EYA4: variants seen among roughly 807,000 people sequenced by gnomAD.
The protein encoded by EYA4 is EYA transcriptional coactivator and phosphatase 4, also known as protein phosphatase EYA4.
EYA4 carries 31 observed loss-of-function variants against 87.9 expected under a neutral mutation model. That is an observed-to-expected ratio of 0.35 (90% CI 0.27 to 0.48). The LOEUF (loss-of-function observed/expected upper bound fraction) is 0.48, where lower values mean the gene tolerates loss of function less well. Among genes scored for constraint, EYA4 ranks in the 20% least tolerant of loss-of-function variants. EYA4 has a pLI of 0.99. For missense variants in EYA4, 678 were observed against 761.4 expected (o/e 0.89, Z 1.29); for synonymous variants, 263 against 270.6 (o/e 0.97, Z 0.28).
chr6:133,508,378 A>G (rs1419416443), intron 14 of EYA4, among the ~76,000 whole-genome samples: 1 of 152,048 alleles, frequency 6.6e-6, no homozygotes, highest in Non-Finnish European at 1.5e-5. Context: ...AAACACCTTA[A>G]CCTTTCCACA....
At chr6:133,383,831 A>G (rs1488988651) in intron 3 of EYA4, among the ~76,000 whole-genome samples, 1 of 152,192 alleles carries the variant, frequency 6.6e-6, no homozygotes, top group East Asian at 1.9e-4. Context: ...TGGATGAACC[A>G]CTAAATGTTT....
chr6:133,424,384 C>T (rs1790467954), intron 3 of EYA4, among the ~76,000 whole-genome samples: 1 of 152,186 alleles, frequency 6.6e-6, no homozygotes, highest in Non-Finnish European at 1.5e-5. Context: ...GAGGACCCTC[C>T]TCCTTCTGCT....
At chr6:133,450,436 G>A (rs1263591183) in intron 5 of EYA4, among the ~76,000 whole-genome samples, 1 of 152,142 alleles carries the variant, frequency 6.6e-6, no homozygotes, top group Admixed American at 6.5e-5. Flanking sequence ...CAAAACAAAA[G>A]GCAAAAGAAA....
chr6:133,354,773 CA>C (rs1437747773), intron 2 of EYA4, among the ~76,000 whole-genome samples: 1 of 151,980 alleles, frequency 6.6e-6, no homozygotes, highest in Admixed American at 6.6e-5. Flanking sequence ...AAAATTGTGC[CA>C]GGGAAAAAGA....
intron 2 of EYA4, among the ~76,000 whole-genome samples, chr6:133,368,143 G>T (rs1440519020): frequency 6.6e-6 from 1 of 152,178 alleles, no homozygotes; most frequent in Non-Finnish European, 1.5e-5. Flanking sequence ...TGGTGTCCTG[G>T]TGTAAGCTGA....
intron 2 of EYA4, among the ~76,000 whole-genome samples, chr6:133,364,108 T>C (rs557644749): frequency 6.6e-6 from 1 of 152,324 alleles, no homozygotes; most frequent in African/African-American, 2.4e-5. Context: ...CTGTGCTCAG[T>C]GTTCACAATC....
At chr6:133,506,623 A>G (rs929303898) in intron 14 of EYA4, among the ~76,000 whole-genome samples, 2 of 152,218 alleles carry the variant, frequency 1.3e-5, no homozygotes, top group Admixed American at 1.3e-4. Flanking sequence ...TAACATTATC[A>G]TTCCCCGTTT....
At chr6:133,430,658 A>G (rs1583257220) in intron 3 of EYA4, among the ~76,000 whole-genome samples, 2 of 152,214 alleles carry the variant, frequency 1.3e-5, no homozygotes, top group South Asian at 2.1e-4. Context: ...TGCCACAAAA[A>G]AAACTAGTAA....
At chr6:133,514,219 C>CT (rs775634481) in intron 16 of EYA4, among the ~76,000 whole-genome samples, 1 of 152,182 alleles carries the variant, frequency 6.6e-6, no homozygotes, top group Non-Finnish European at 1.5e-5. Flanking sequence ...GGGAGAATCT[C>CT]TGATTTCCTG....
intron 2 of EYA4, among the ~76,000 whole-genome samples, chr6:133,314,721 A>G (rs992650224): frequency 3.3e-5 from 5 of 152,210 alleles, no homozygotes; most frequent in Non-Finnish European, 7.4e-5. Context: ...AAGCGCTAGT[A>G]TTAAAAAAGG....
chr6:133,357,453 G>T (rs1436389461), intron 2 of EYA4, among the ~76,000 whole-genome samples: 1 of 152,106 alleles, frequency 6.6e-6, no homozygotes, highest in Non-Finnish European at 1.5e-5. Flanking sequence ...GTAGAGAGGT[G>T]AATTGTTTTG....
intron 13 of EYA4, among the ~76,000 whole-genome samples, chr6:133,499,959 A>G (rs779993465): frequency 2.6e-5 from 4 of 151,706 alleles, no homozygotes; most frequent in Non-Finnish European, 5.9e-5. Context: ...GTCTCTCATT[A>G]TAATATCTTA....
intron 6 of EYA4, among the ~76,000 whole-genome samples, chr6:133,459,951 C>T (rs1794233406): frequency 6.6e-6 from 1 of 151,834 alleles, no homozygotes; most frequent in South Asian, 2.1e-4. Context: ...ATATTCAGAG[C>T]TTATAGGCAA....
intron 2 of EYA4, among the ~76,000 whole-genome samples, chr6:133,340,784 C>T (rs1361100658): frequency 2.0e-5 from 3 of 152,124 alleles, no homozygotes; most frequent in African/African-American, 7.2e-5. Flanking sequence ...ATATGGAAAG[C>T]CACTGGAGGA....
chr6:133,439,375 A>G (rs1020784153), intron 3 of EYA4: 3 of 152,186 alleles, frequency 2.0e-5, no homozygotes, highest in African/African-American at 7.2e-5. Flanking sequence ...CTTACACACC[A>G]TTTCACTCAT....
At chr6:133,260,481 G>T (rs908313842) in intron 1 of EYA4, among the ~76,000 whole-genome samples, 4 of 152,026 alleles carry the variant, frequency 2.6e-5, no homozygotes, top group African/African-American at 9.7e-5. Flanking sequence ...CAAGTGATCT[G>T]CCTGCCTGAG....
chr6:133,494,346 T>A (rs1797441193), intron 13 of EYA4, among the ~76,000 whole-genome samples: 1 of 152,130 alleles, frequency 6.6e-6, no homozygotes, highest in African/African-American at 2.4e-5. Flanking sequence ...TCTTACTTAT[T>A]TGGAAGCTAA....
intron 2 of EYA4, among the ~76,000 whole-genome samples, chr6:133,327,303 A>C (rs976710481): frequency 6.6e-6 from 1 of 151,764 alleles, no homozygotes; most frequent in Non-Finnish European, 1.5e-5. Flanking sequence ...ACGCCAGTCT[A>C]ATTTTTTGAG....
intron 2 of EYA4, among the ~76,000 whole-genome samples, chr6:133,355,557 A>G (rs544535128): frequency 2.6e-4 from 39 of 152,202 alleles, no homozygotes; most frequent in Non-Finnish European, 4.6e-4. Context: ...AGAGGCCACT[A>G]TCCTTAGAAA....
Sources: gnomAD v4.1 joint callset for allele counts (sites outside exome capture counted in the v4.1 genomes callset) on GRCh38, gnomAD v4.1.1 for gene constraint, MANE v1.5 for transcripts, NCBI Gene and HGNC (gene_info 2026-07-23, HGNC 2026-07-21) for gene names.